Variants in MAGI1 observed in about 807,000 individuals in gnomAD.
MAGI1 encodes the protein membrane-associated guanylate kinase, WW and PDZ domain-containing protein 1.
Under a neutral mutation model 139.9 loss-of-function variants are expected in MAGI1, and 58 were observed. The observed-to-expected ratio is 0.41, with a 90% confidence interval of 0.34 to 0.52. The LOEUF (loss-of-function observed/expected upper bound fraction) is 0.52. MAGI1 is among the 20% of genes least tolerant of loss of function. The pLI is 0.12. For synonymous variants in MAGI1, 812 were observed against 737.9 expected, an observed-to-expected ratio of 1.10 and a Z score of -1.63; for missense variants, 1,874 against 1,901.6, an observed-to-expected ratio of 0.99 and a Z score of 0.27.
chr3:65,748,114 G>A (rs1490321095), intron 1 of MAGI1, among the ~76,000 whole-genome samples: 3 of 152,202 alleles, frequency 2.0e-5, no homozygotes, highest in East Asian at 3.9e-4. Context: ...AGTCTCAGAG[G>A]CAGTCAGGCT....
At chr3:65,476,269 C>T (rs1470041029) in intron 4 of MAGI1, among the ~76,000 whole-genome samples, 2 of 152,128 alleles carry the variant, frequency 1.3e-5, no homozygotes, top group African/African-American at 4.8e-5. Flanking sequence ...TGAAGAGGTC[C>T]CATCACGTGC....
intron 1 of MAGI1, among the ~76,000 whole-genome samples, chr3:65,969,472 G>A (rs1452599117): frequency 6.6e-6 from 1 of 152,112 alleles, no homozygotes; most frequent in Non-Finnish European, 1.5e-5. Flanking sequence ...GCTCCCTAGG[G>A]GATAAAATTG....
chr3:65,423,373 TGCACACAC>T (rs911424267), intron 12 of MAGI1, among the ~76,000 whole-genome samples: 1 of 145,906 alleles, frequency 6.9e-6, no homozygotes, highest in Admixed American at 7.0e-5. Context: ...CACACGTGCG[TGCACACAC>T]GCGCACACAC....
At chr3:65,629,196 G>A (rs548953874) in intron 1 of MAGI1, among the ~76,000 whole-genome samples, 1 of 152,234 alleles carries the variant, frequency 6.6e-6, no homozygotes, top group South Asian at 2.1e-4. Context: ...ATGTTGCTCA[G>A]TAGAAAGAAT....
At chr3:65,373,480 C>T (rs990069061) in intron 18 of MAGI1, among the ~76,000 whole-genome samples, 1 of 152,100 alleles carries the variant, frequency 6.6e-6, no homozygotes, top group Non-Finnish European at 1.5e-5. Flanking sequence ...AAATGTGACA[C>T]AAAGGCACAA....
intron 2 of MAGI1, among the ~76,000 whole-genome samples, chr3:65,549,803 T>C (rs866967060): frequency 5.5e-4 from 84 of 152,172 alleles, no homozygotes; most frequent in South Asian, 2.9e-3. Flanking sequence ...CAAGAGCTGC[T>C]AGCACCTTGA....
At chr3:65,579,847 C>A (rs942754592) in intron 2 of MAGI1, among the ~76,000 whole-genome samples, 294 of 122,676 alleles carry the variant, frequency 2.4e-3, no homozygotes, top group South Asian at 3.1e-3. Flanking sequence ...AACTCCATCT[C>A]AAAAAAAAAA....
intron 2 of MAGI1, among the ~76,000 whole-genome samples, chr3:65,497,107 A>T (rs1018049652): frequency 6.6e-6 from 1 of 152,122 alleles, no homozygotes; most frequent in Non-Finnish European, 1.5e-5. Flanking sequence ...AGCACAGCTG[A>T]CCTTAAAAGT....
chr3:65,392,153 T>A (rs993382969), intron 13 of MAGI1, among the ~76,000 whole-genome samples: 1 of 152,162 alleles, frequency 6.6e-6, no homozygotes, highest in Non-Finnish European at 1.5e-5. Flanking sequence ...CCATTTAAAT[T>A]TCAGTTGAAT....
At chr3:66,002,044 G>C (rs758267078) in intron 1 of MAGI1, among the ~76,000 whole-genome samples, 1 of 152,138 alleles carries the variant, frequency 6.6e-6, no homozygotes, top group Admixed American at 6.6e-5. Context: ...CCACTTGACA[G>C]GCTTCCTGCC....
At chr3:65,763,330 T>C (rs1450307051) in intron 1 of MAGI1, among the ~76,000 whole-genome samples, 1 of 152,188 alleles carries the variant, frequency 6.6e-6, no homozygotes, top group African/African-American at 2.4e-5. Flanking sequence ...CTTCCTTAGA[T>C]CTATATTTCC....
At chr3:65,426,738 A>G (rs1947072751) in intron 12 of MAGI1, among the ~76,000 whole-genome samples, 1 of 152,190 alleles carries the variant, frequency 6.6e-6, no homozygotes. Flanking sequence ...ATATATTTAT[A>G]TGCCTTCCAG....
rs780309863 is a variant in MAGI1 at position 65,502,124 on chromosome 3, T to C, written c.431-8493A>G. On this transcript the variant is annotated intron_variant, in intron 2 of 22. Transcript: ENST00000402939. ...ACGACTGTGCTTTGGTCAAAACCCATAGCGCACACCACGAATGGTGATTTT... is the reference window on the plus strand; with the variant it reads ...ACGACTGTGCTTTGGTCAAAACCCACAGCGCACACCACGAATGGTGATTTT... Among the ~76,000 whole-genome samples, 61 of 152,326 alleles carry C rather than the reference T, an allele frequency of 4.0e-4. 1 individual carries two copies. The highest frequency in any genetic ancestry group is 1.5e-3 in the East Asian group (8 of 5,180).
intron 2 of MAGI1, among the ~76,000 whole-genome samples, chr3:65,517,050 C>T (rs1004090749): frequency 6.6e-6 from 1 of 152,138 alleles, no homozygotes; most frequent in Non-Finnish European, 1.5e-5. Flanking sequence ...TTTAAGGGGG[C>T]TGAACTGGGA....
intron 1 of MAGI1, among the ~76,000 whole-genome samples, chr3:65,878,874 AG>A (rs1186669133): frequency 7.2e-5 from 11 of 152,160 alleles, no homozygotes; most frequent in Non-Finnish European, 2.9e-5. Context: ...AGGTATAGGT[AG>A]GGGAAAGAGC....
At chr3:65,658,856 T>C (rs902491139) in intron 1 of MAGI1, among the ~76,000 whole-genome samples, 2 of 152,146 alleles carry the variant, frequency 1.3e-5, no homozygotes, top group Admixed American at 1.3e-4. Flanking sequence ...AATCTGAGGG[T>C]TTTCTTGCCC....
At chr3:65,877,151 A>C (rs1044222904) in intron 1 of MAGI1, among the ~76,000 whole-genome samples, 8 of 152,208 alleles carry the variant, frequency 5.3e-5, no homozygotes, top group Non-Finnish European at 1.2e-4. Flanking sequence ...GGCTGTGATC[A>C]ACATACTCTG....
At chr3:65,536,959 T>TA (rs1188628862) in intron 2 of MAGI1, among the ~76,000 whole-genome samples, 2 of 152,248 alleles carry the variant, frequency 1.3e-5, no homozygotes, top group East Asian at 3.9e-4. Flanking sequence ...TCTTTGGACG[T>TA]TTTCATTAGG....
At chr3:65,823,403 C>A (rs1390716284) in intron 1 of MAGI1, among the ~76,000 whole-genome samples, 1 of 152,188 alleles carries the variant, frequency 6.6e-6, no homozygotes, top group African/African-American at 2.4e-5. Flanking sequence ...CAGTGCCCAG[C>A]ACAGTTCCTA....
Sources: allele counts gnomAD v4.1 joint callset (sites outside exome capture counted in the v4.1 genomes callset), GRCh38; gene constraint gnomAD v4.1.1; transcripts MANE v1.5; gene names NCBI Gene and HGNC (gene_info 2026-07-23, HGNC 2026-07-21).